SAMD8: variants seen among roughly 807,000 people sequenced by gnomAD.
SAMD8 encodes sterile alpha motif domain containing 8.
In SAMD8, 20 loss-of-function variants were observed where a neutral mutation model predicts 42.0. The ratio of observed to expected loss-of-function variants is 0.48; its 90% CI spans 0.34 to 0.69. The LOEUF is 0.69. Ranked by LOEUF, SAMD8 falls within the 30% of genes least tolerant of loss-of-function variation. The probability of loss-of-function intolerance (pLI) is 0.01; values close to 1 mark genes in which losing one functional copy is unlikely to be tolerated. For synonymous variants in SAMD8, 162 were observed against 173.0 expected, an observed-to-expected ratio of 0.94 and a Z score of 0.50; for missense variants, 328 against 511.6, an observed-to-expected ratio of 0.64 and a Z score of 3.46.
intron 1 of SAMD8, among the ~76,000 whole-genome samples, chr10:75,142,206 C>G (rs1840031400): frequency 6.6e-6 from 1 of 151,964 alleles, no homozygotes; most frequent in African/African-American, 2.4e-5. Context: ...TCTCAGCTTC[C>G]CAAAGTGCTG....
At chr10:75,154,655 AGTT>A (rs1050154886) in intron 2 of SAMD8, among the ~76,000 whole-genome samples, 1 of 136,374 alleles carries the variant, frequency 7.3e-6, no homozygotes, top group Non-Finnish European at 1.5e-5. Context: ...AGGTCATTCT[AGTT>A]GTTGTATTGA....
At chr10:75,137,587 T>A (rs1487791153) in intron 1 of SAMD8, among the ~76,000 whole-genome samples, 1 of 150,308 alleles carries the variant, frequency 6.7e-6, no homozygotes, top group Non-Finnish European at 1.5e-5. Context: ...ACAACACAGA[T>A]GAACCTTGAA....
intron 1 of SAMD8, among the ~76,000 whole-genome samples, chr10:75,106,407 G>GTTT (rs1178413653): frequency 6.6e-6 from 1 of 151,916 alleles, no homozygotes; most frequent in East Asian, 1.9e-4. Context: ...CCTGCAAATT[G>GTTT]TTTCCCCTGG....
At chr10:75,146,576 G>A (rs972650821) in intron 1 of SAMD8, among the ~76,000 whole-genome samples, 2 of 151,932 alleles carry the variant, frequency 1.3e-5, no homozygotes, top group African/African-American at 2.4e-5. Flanking sequence ...GTGAGCCACC[G>A]CACCTGGCTG....
chr10:75,137,495 G>T (rs1275307987), intron 1 of SAMD8, among the ~76,000 whole-genome samples: 1 of 151,320 alleles, frequency 6.6e-6, no homozygotes, highest in Non-Finnish European at 1.5e-5. Context: ...AGCCAAGATC[G>T]TGCCACTGCA....
At chr10:75,166,289 A>G (rs1840676516) in intron 3 of SAMD8, among the ~76,000 whole-genome samples, 1 of 152,026 alleles carries the variant, frequency 6.6e-6, no homozygotes, top group Non-Finnish European at 1.5e-5. Flanking sequence ...TAAGTAAAAA[A>G]CAAGGCATTG....
chr10:75,101,844 C>A (rs370942205), intron 1 of SAMD8: 27 of 1,362,642 alleles, frequency 2.0e-5, no homozygotes, highest in Middle Eastern at 3.0e-4. Flanking sequence ...CCTACCCCCC[C>A]CAAATTAGGA....
At chr10:75,172,806 T>A (rs1840901902) in intron 4 of SAMD8, among the ~76,000 whole-genome samples, 1 of 151,362 alleles carries the variant, frequency 6.6e-6, no homozygotes. Flanking sequence ...TAATTTTAAT[T>A]TTTTTTTTGT....
At chr10:75,123,355 A>G (rs1318677397) in intron 1 of SAMD8, among the ~76,000 whole-genome samples, 2 of 152,146 alleles carry the variant, frequency 1.3e-5, no homozygotes, top group Non-Finnish European at 2.9e-5. Context: ...GGGGTGCCTC[A>G]TAAGTGCTGT....
chr10:75,137,534 C>T (rs1302040823), intron 1 of SAMD8, among the ~76,000 whole-genome samples: 6 of 148,220 alleles, frequency 4.0e-5, no homozygotes, highest in African/African-American at 1.2e-4. Flanking sequence ...AGTGAGACTC[C>T]GTCTCAAAAA....
chr10:75,112,602 TATC>T (rs1848798662), intron 1 of SAMD8, among the ~76,000 whole-genome samples: 2 of 152,348 alleles, frequency 1.3e-5, no homozygotes, highest in South Asian at 4.1e-4. Context: ...AAAATGAAGA[TATC>T]ATTTGGATTT....
intron 2 of SAMD8, among the ~76,000 whole-genome samples, chr10:75,161,528 T>C (rs1392984884): frequency 1.3e-5 from 2 of 150,846 alleles, no homozygotes; most frequent in Non-Finnish European, 2.9e-5. Context: ...AAACCAGACG[T>C]CTGAGAAAAA....
At chr10:75,137,494 C>T (rs899451443) in intron 1 of SAMD8, among the ~76,000 whole-genome samples, 6 of 151,200 alleles carry the variant, frequency 4.0e-5, no homozygotes, top group East Asian at 2.0e-4. Context: ...GAGCCAAGAT[C>T]GTGCCACTGC....
intron 1 of SAMD8, among the ~76,000 whole-genome samples, chr10:75,146,884 G>T (rs1327464798): frequency 6.6e-6 from 1 of 151,988 alleles, no homozygotes; most frequent in East Asian, 1.9e-4. Flanking sequence ...TTTCATGCAG[G>T]CTTTCACAGG....
Position 75,100,057 on chromosome 10 carries a change from T to C in SAMD8, c.-16+329T>C, listed in dbSNP as rs1202662006. ...CACCACCCCAGGCAGGAGATGGGGC[T>C]TTGGGAAGTGGGACAGGCTCCGGGC... On this transcript the variant is annotated intron_variant, in intron 1 of 3. Coordinates refer to the SAMD8 transcript ENST00000447533. 2.0e-5 allele frequency among the ~76,000 whole-genome samples: 3 copies of C among 152,104 alleles called. No homozygotes were observed. The East Asian group carries it at 5.8e-4, about 30-fold the overall frequency.
chr10:75,121,740 G>A lies in SAMD8; in HGVS notation c.-16+10018G>A, dbSNP rs1849010509. On this transcript the variant is annotated intron_variant, in intron 1 of 5. Transcript: ENST00000542569. ...TGAGTCTCACTTTGTCGCCCAGGCT[G>A]GAGTGCAGTGGTGCGATCTTGGCTC... Among the ~76,000 whole-genome samples the A allele has an allele frequency of 2.0e-5, 3 of 151,810 alleles. No individual in the cohort carries two copies. In the South Asian group the frequency reaches 6.2e-4, roughly 32 times the overall value.
At chr10:75,130,268 G>T (rs12245815) in intron 1 of SAMD8, among the ~76,000 whole-genome samples, 1 of 151,842 alleles carries the variant, frequency 6.6e-6, no homozygotes, top group Admixed American at 6.6e-5. Context: ...TTGGTAGGCC[G>T]AGGCAGGCAG....
chr10:75,126,499 CTT>C (rs779589994), intron 1 of SAMD8, among the ~76,000 whole-genome samples: 9 of 115,516 alleles, frequency 7.8e-5, no homozygotes, highest in Admixed American at 1.8e-4. Flanking sequence ...AGTGCTTTTG[CTT>C]TTTTTTTTTT....
chr10:75,130,737 G>T (rs1392892792), intron 1 of SAMD8, among the ~76,000 whole-genome samples: 1 of 152,034 alleles, frequency 6.6e-6, no homozygotes, highest in East Asian at 1.9e-4. Context: ...AGCAAATCTG[G>T]CAAAATGTTT....
Sources: gnomAD v4.1 joint callset for allele counts (sites outside exome capture counted in the v4.1 genomes callset) on GRCh38, gnomAD v4.1.1 for gene constraint, MANE v1.5 for transcripts, NCBI Gene and HGNC (gene_info 2026-07-23, HGNC 2026-07-21) for gene names.